The following ANKH variants were observed in gnomAD, a reference collection of about 807,000 sequenced individuals.
ANKH encodes the protein mineralization regulator ANKH.
A neutral mutation model predicts 49.0 loss-of-function variants in ANKH; 15 were observed. The observed-to-expected ratio is 0.31, with a 90% CI of 0.20 to 0.47. ANKH has a LOEUF of 0.47. Among genes scored for constraint, ANKH ranks in the 20% least tolerant of loss-of-function variants. The pLI is 1.00. For missense variants in ANKH, 429 were observed against 652.0 expected (o/e 0.66, Z 3.72); for synonymous variants, 273 against 260.0 (o/e 1.05, Z -0.48).
chr5:14,747,659 T>C (rs1051450787), intron 6 of ANKH, among the ~76,000 whole-genome samples: 2 of 152,222 alleles, frequency 1.3e-5, no homozygotes, highest in Non-Finnish European at 1.5e-5. Flanking sequence ...CTGGCAGTGT[T>C]CAACCCTCTG....
At chr5:14,798,673 G>C (rs1267416719) in intron 1 of ANKH, among the ~76,000 whole-genome samples, 2 of 152,070 alleles carry the variant, frequency 1.3e-5, no homozygotes, top group Non-Finnish European at 2.9e-5. Flanking sequence ...TGTGTGATAG[G>C]TGATCTTTAA....
At chr5:14,764,188 GCAGTTCCTCA>G (rs1372692699) in intron 2 of ANKH, among the ~76,000 whole-genome samples, 1 of 152,102 alleles carries the variant, frequency 6.6e-6, no homozygotes, top group Admixed American at 6.5e-5. Context: ...ACATGATTTG[GCAGTTCCTCA>G]CACCAAAAGT....
Position 14,713,698 on chromosome 5 carries a change from G to T in ANKH, c.1142-31C>A. The T allele has an allele frequency of 6.2e-7, 1 of 1,612,212 alleles. No individual in the cohort carries two copies. The highest frequency in any genetic ancestry group is 8.5e-7 in the Non-Finnish European group (1 of 1,179,802). ...GGGAGGAGCAAAGGACTCGTCAGCC[G>T]TGCCCGCCATCCACTCCCCATCCTG... is the stretch of plus-strand genomic sequence containing the variant. On this transcript the variant is annotated intron_variant, in intron 9 of 11. Transcript: ENST00000284268. This position sits in a 1 kb window ranked among gnomAD's most constrained non-coding sequence, Gnocchi z 4.4.
In ANKH at chr5:14,739,092, T is replaced by C. The variant is rs148732497; in HGVS notation, c.1011+2735A>G. ...AGAGACAGAATAAGGTGAGTACTCA[T>C]TACAGGGACAGTTTAATGTTTAATT... On this transcript the variant is annotated intron_variant, in intron 8 of 11. Transcript: ENST00000284268. 3.2e-3 allele frequency among the ~76,000 whole-genome samples: 491 copies of C among 152,256 alleles called. 4 individuals are homozygous for C. The highest frequency in any genetic ancestry group is 0.011 in the African/African-American group (454 of 41,546).
intron 1 of ANKH, among the ~76,000 whole-genome samples, chr5:14,837,009 G>T (rs1158697407): frequency 6.6e-6 from 1 of 152,178 alleles, no homozygotes; most frequent in Non-Finnish European, 1.5e-5. Context: ...ACAAAAACAA[G>T]AAATGGGAAA....
At chr5:14,736,423 A>G (rs545564598) in intron 8 of ANKH, among the ~76,000 whole-genome samples, 5 of 152,204 alleles carry the variant, frequency 3.3e-5, no homozygotes, top group African/African-American at 9.6e-5. Flanking sequence ...AAATTGTCAA[A>G]TTTTCTGAGT....
intron 1 of ANKH, among the ~76,000 whole-genome samples, chr5:14,866,870 T>C (rs1344397251): frequency 6.6e-6 from 1 of 152,030 alleles, no homozygotes; most frequent in East Asian, 1.9e-4. Context: ...ATCTGTTGAG[T>C]TTTTAAAATT....
intron 8 of ANKH, among the ~76,000 whole-genome samples, chr5:14,736,972 G>A (rs1448559434): frequency 6.6e-6 from 1 of 152,224 alleles, no homozygotes; most frequent in African/African-American, 2.4e-5. Flanking sequence ...CAGGGAGCTT[G>A]AGAAGATAAA....
chr5:14,779,904 G>C (rs1053718662), intron 1 of ANKH, among the ~76,000 whole-genome samples: 1 of 152,142 alleles, frequency 6.6e-6, no homozygotes, highest in African/African-American at 2.4e-5. Flanking sequence ...TAGCCTCCTT[G>C]GTGTAAAGCG....
At chr5:14,790,460 G>A (rs1190107355) in intron 1 of ANKH, among the ~76,000 whole-genome samples, 1 of 152,206 alleles carries the variant, frequency 6.6e-6, no homozygotes, top group Non-Finnish European at 1.5e-5. Flanking sequence ...GACAAACTAA[G>A]TATTTGTTGA....
At position 14,871,464 on chromosome 5, in the gene ANKH, T is replaced by C. The variant is rs749026231; in HGVS notation, c.-17A>G. ...TTTCACCATAGTCCCCGCCGTGGGC[T>C]GACCCCACACACATCTGCTGCCGCG... On this transcript the variant is annotated 5_prime_UTR_variant, in exon 1 of 12. Transcript: ENST00000284268. 1.2e-6 allele frequency: 2 copies of C among 1,605,390 alleles called. No homozygotes were observed. Among genetic ancestry groups the C allele is most frequent in the East Asian group, 2.2e-5 (1 of 44,656 alleles).
At chr5:14,734,875 A>C (rs544812663) in intron 8 of ANKH, among the ~76,000 whole-genome samples, 1 of 152,354 alleles carries the variant, frequency 6.6e-6, no homozygotes, top group East Asian at 1.9e-4. Context: ...ATAGAAGAAG[A>C]GATCAAGATT....
intron 4 of ANKH, among the ~76,000 whole-genome samples, chr5:14,753,992 T>C (rs1738800257): frequency 6.6e-6 from 1 of 152,160 alleles, no homozygotes; most frequent in South Asian, 2.1e-4. Context: ...TAACAAACGT[T>C]TTCAGGTAAT....
chr5:14,870,991 T>C (rs1273001247), intron 1 of ANKH: 1 of 374,968 alleles, frequency 2.7e-6, no homozygotes, highest in African/African-American at 2.1e-5. Context: ...CCACCAGCCA[T>C]GGGTAAATAA....
intron 1 of ANKH, among the ~76,000 whole-genome samples, chr5:14,832,242 A>G (rs1741526755): frequency 6.6e-6 from 1 of 152,190 alleles, no homozygotes; most frequent in South Asian, 2.1e-4. Flanking sequence ...TAAAAACATA[A>G]CAAAAATACT....
chr5:14,721,390 G>A (rs1286273077), intron 8 of ANKH, among the ~76,000 whole-genome samples: 2 of 152,130 alleles, frequency 1.3e-5, no homozygotes, highest in African/African-American at 2.4e-5. Context: ...GGGTCTTCGC[G>A]GGGTATCGGA....
intron 1 of ANKH, among the ~76,000 whole-genome samples, chr5:14,855,992 A>G (rs1286454631): frequency 6.6e-6 from 1 of 151,868 alleles, no homozygotes; most frequent in African/African-American, 2.4e-5. Flanking sequence ...TTGAAAAAAT[A>G]CAAAGCAAGA....
At chr5:14,848,206 C>T (rs1386309216) in intron 1 of ANKH, among the ~76,000 whole-genome samples, 1 of 152,124 alleles carries the variant, frequency 6.6e-6, no homozygotes, top group Non-Finnish European at 1.5e-5. Context: ...AAGGTGACTG[C>T]ACCCACCTTT....
chr5:14,751,460 C>A (rs1738715494), intron 4 of ANKH, among the ~76,000 whole-genome samples: 1 of 152,164 alleles, frequency 6.6e-6, no homozygotes, highest in Non-Finnish European at 1.5e-5. Context: ...TTTTGTTATA[C>A]CCACCATGAA....
Sources: gnomAD v4.1 joint callset for allele counts (sites outside exome capture counted in the v4.1 genomes callset) on GRCh38, gnomAD v4.1.1 for gene constraint, Gnocchi (gnomAD v3.1) non-coding constraint, MANE v1.5 for transcripts, NCBI Gene and HGNC (gene_info 2026-07-23, HGNC 2026-07-21) for gene names.